AMMECR1: variants seen among roughly 807,000 people sequenced by gnomAD.
AMMECR1 encodes the protein nuclear protein AMMECR1.
A neutral mutation model predicts 22.5 loss-of-function variants in AMMECR1; 3 were observed. The observed-to-expected ratio is 0.13, with a 90% CI of 0.06 to 0.35. The LOEUF is 0.35. Ranked by LOEUF, AMMECR1 falls within the 10% of genes least tolerant of loss-of-function variation. AMMECR1 has a pLI of 1.00. For synonymous variants in AMMECR1, 130 were observed against 116.7 expected (o/e 1.11, Z -0.74); for missense variants, 235 against 278.7 (o/e 0.84, Z 1.12).
intron 2 of AMMECR1, among the ~76,000 whole-genome samples, chrX:110,256,635 T>C (rs1209780639): frequency 9.0e-6 from 1 of 111,285 alleles, no homozygotes; most frequent in East Asian, 2.8e-4. Flanking sequence ...GGACTTACGA[T>C]GCAATAAGTG....
At chrX:110,406,550 AGTGCC>A (rs1341317552) in intron 2 of AMMECR1, among the ~76,000 whole-genome samples, 1 of 112,093 alleles carries the variant, frequency 8.9e-6, no homozygotes, top group East Asian at 2.8e-4. Context: ...TATTGTGAAT[AGTGCC>A]GCAATAAACA....
intron 2 of AMMECR1, among the ~76,000 whole-genome samples, chrX:110,251,604 A>G (rs776450479): frequency 8.9e-6 from 1 of 112,118 alleles, no homozygotes; most frequent in African/African-American, 3.2e-5. Context: ...TGATTGGTGT[A>G]CAATGGCTTC....
chrX:110,208,953 T>G (rs1271749109), intron 3 of AMMECR1, among the ~76,000 whole-genome samples: 1 of 111,657 alleles, frequency 9.0e-6, no homozygotes, highest in East Asian at 2.8e-4. Flanking sequence ...AAGCGTGCTT[T>G]CTATCAAAGT....
chrX:110,435,513 A>G (rs993757847), intron 1 of AMMECR1, among the ~76,000 whole-genome samples: 1 of 112,034 alleles, frequency 8.9e-6, no homozygotes, highest in Non-Finnish European at 1.9e-5. Context: ...TCCCAGAACA[A>G]AATCCCATAA....
At chrX:110,368,657 C>G (rs960551636) in intron 2 of AMMECR1, among the ~76,000 whole-genome samples, 2 of 111,919 alleles carry the variant, frequency 1.8e-5, no homozygotes, top group South Asian at 7.4e-4. Context: ...TAGTACTTGT[C>G]ATTTTCTGAT....
chrX:110,373,126 A>G (rs190740478), intron 2 of AMMECR1, among the ~76,000 whole-genome samples: 75 of 112,010 alleles, frequency 6.7e-4, no homozygotes, highest in African/African-American at 2.4e-3. Context: ...ATAAGTAGGG[A>G]GTAAAACGTT....
intron 2 of AMMECR1, among the ~76,000 whole-genome samples, chrX:110,383,596 C>T (rs1228695977): frequency 9.0e-6 from 1 of 111,449 alleles, no homozygotes; most frequent in African/African-American, 3.3e-5. Context: ...TCCAACATTC[C>T]TCAGATAAAT....
intron 1 of AMMECR1, among the ~76,000 whole-genome samples, chrX:110,277,561 G>A (rs932753874): frequency 2.1e-4 from 23 of 111,261 alleles, no homozygotes; most frequent in Admixed American, 2.0e-3. Flanking sequence ...AGAACTTAAA[G>A]TATAATAATA....
At chrX:110,328,488 T>G (rs182462528) in intron 2 of AMMECR1, among the ~76,000 whole-genome samples, 1 of 104,898 alleles carries the variant, frequency 9.5e-6, no homozygotes, top group Non-Finnish European at 2.0e-5. Flanking sequence ...TTTTAACACT[T>G]TAAGTTCTGG....
chrX:110,210,246 G>A (rs1343614847), intron 3 of AMMECR1, among the ~76,000 whole-genome samples: 1 of 106,787 alleles, frequency 9.4e-6, no homozygotes, highest in Non-Finnish European at 1.9e-5. Context: ...AACACTCCAC[G>A]GCACTTAAAA....
intron 2 of AMMECR1, among the ~76,000 whole-genome samples, chrX:110,410,428 TGAC>T (rs1462960628): frequency 8.9e-6 from 1 of 112,278 alleles, no homozygotes; most frequent in African/African-American, 3.2e-5. Context: ...CCAATATCTT[TGAC>T]GATGTCTATC....
chrX:110,406,281 G>A (rs1298538223), intron 2 of AMMECR1, among the ~76,000 whole-genome samples: 6 of 94,098 alleles, frequency 6.4e-5, no homozygotes, highest in African/African-American at 1.6e-4. Flanking sequence ...CACAGGCCCC[G>A]GTGTGTGATG....
At chrX:110,224,226 G>A (rs2067519579) in intron 2 of AMMECR1, among the ~76,000 whole-genome samples, 1 of 110,647 alleles carries the variant, frequency 9.0e-6, no homozygotes, top group East Asian at 2.8e-4. Context: ...TGGCCATCTC[G>A]GGGGATAATG....
At chrX:110,374,611 G>A (rs767546159) in intron 2 of AMMECR1, among the ~76,000 whole-genome samples, 6 of 111,956 alleles carry the variant, frequency 5.4e-5, no homozygotes, top group Admixed American at 9.5e-5. Flanking sequence ...TAGAAGTAGG[G>A]CTATTAAGAC....
At chrX:110,268,327 A>T (rs758350502) in intron 1 of AMMECR1, among the ~76,000 whole-genome samples, 8 of 112,271 alleles carry the variant, frequency 7.1e-5, no homozygotes, top group Admixed American at 6.6e-4. Context: ...TTTAGGACAG[A>T]TGCCTGAAGA....
At chrX:110,346,345 T>C (rs1360042186) in intron 2 of AMMECR1, among the ~76,000 whole-genome samples, 1 of 112,153 alleles carries the variant, frequency 8.9e-6, no homozygotes, top group Non-Finnish European at 1.9e-5. Context: ...CTACAAATGG[T>C]CATATAATCA....
intron 2 of AMMECR1, among the ~76,000 whole-genome samples, chrX:110,246,770 G>C (rs1011872668): frequency 1.8e-5 from 2 of 112,286 alleles, no homozygotes. Flanking sequence ...AACATCACTG[G>C]GTGAGTCCTT....
chrX:110,298,937 G>A (rs902181889), intron 1 of AMMECR1, among the ~76,000 whole-genome samples: 14 of 111,523 alleles, frequency 1.3e-4, no homozygotes, highest in Non-Finnish European at 2.6e-4. Flanking sequence ...CATACAATCC[G>A]CAATTTCAGG....
At chrX:110,282,258 C>T (rs146245608) in intron 1 of AMMECR1, among the ~76,000 whole-genome samples, 117 of 109,886 alleles carry the variant, frequency 1.1e-3, no homozygotes, top group African/African-American at 3.6e-3. Context: ...TGTACCAGAA[C>T]CTCAGATTAA....
Sources: allele counts gnomAD v4.1 joint callset (sites outside exome capture counted in the v4.1 genomes callset), GRCh38; gene constraint gnomAD v4.1.1; transcripts MANE v1.5; gene names NCBI Gene and HGNC (gene_info 2026-07-23, HGNC 2026-07-21).